The following HMSD variants were observed in gnomAD, a reference collection of about 807,000 sequenced individuals.
HMSD encodes serpin-like protein HMSD.
HMSD carries 13 observed loss-of-function variants against 10.0 expected under a neutral mutation model. The ratio of observed to expected loss-of-function variants is 1.31; its 90% CI spans 0.85 to 2.08. HMSD has a LOEUF of 2.08. HMSD is among the 30% of genes most tolerant of loss of function. The pLI, the probability that HMSD is intolerant of heterozygous loss-of-function variation, is 0.00. For synonymous variants in HMSD, 51 were observed against 54.2 expected (o/e 0.94, Z 0.26); for missense variants, 169 against 166.3 (o/e 1.02, Z -0.09).
chr18:63,955,166 T>C (rs2050351699), intron 3 of HMSD, among the ~76,000 whole-genome samples: 1 of 152,254 alleles, frequency 6.6e-6, no homozygotes, highest in Non-Finnish European at 1.5e-5. Context: ...CTCCTTCACA[T>C]ATAAAAACTT....
intron 3 of HMSD, chr18:63,968,623 G>A (rs900070654): frequency 1.3e-5 from 2 of 152,246 alleles, no homozygotes; most frequent in African/African-American, 2.4e-5. Flanking sequence ...AAGTTTCACG[G>A]AGGAAAACAA....
At chr18:63,951,810 G>A (rs1482600943) in intron 1 of HMSD, among the ~76,000 whole-genome samples, 1 of 152,044 alleles carries the variant, frequency 6.6e-6, no homozygotes, top group South Asian at 2.1e-4. Flanking sequence ...AAATTGTGGG[G>A]TTAAAAATAG....
At chr18:63,967,125 C>T (rs1030484406) in intron 3 of HMSD, among the ~76,000 whole-genome samples, 1 of 137,390 alleles carries the variant, frequency 7.3e-6, no homozygotes, top group Non-Finnish European at 1.5e-5. Flanking sequence ...TTTGGAACTC[C>T]GGTGAGACTC....
chr18:63,960,159 G>A lies in HMSD; in HGVS notation c.224G>A (p.Gly75Asp). 2.5e-6 allele frequency: 4 copies of A among 1,611,132 alleles called. No homozygotes were observed. The highest frequency in any genetic ancestry group is 3.4e-6 in the Non-Finnish European group (4 of 1,179,286). Residue 75 changes from glycine to aspartate, a missense_variant and splice_region_variant, in exon 4 of 4, where the codon GGT becomes GAT. Coordinates refer to ENST00000408945, the MANE Select transcript of HMSD (RefSeq NM_001123366.2). Reference protein sequence around the residue: ...FGEKSYDFLTGFTDSCGKFYQ... With the variant: ...FGEKSYDFLTDFTDSCGKFYQ... ...AATTATGTTTTTGGTTTTTCCTAGG[G>A]TTTTACAGATTCCTGTGGCAAATTC...
At chr18:63,950,143 G>A (rs981588444) in intron 1 of HMSD, among the ~76,000 whole-genome samples, 5 of 152,078 alleles carry the variant, frequency 3.3e-5, no homozygotes, top group Admixed American at 2.6e-4. Flanking sequence ...TGGGCCAGGC[G>A]CGGTGGCTCA....
intron 2 of HMSD, among the ~76,000 whole-genome samples, chr18:63,954,109 A>C (rs553497213): frequency 4.6e-5 from 7 of 152,366 alleles, no homozygotes; most frequent in African/African-American, 1.4e-4. Context: ...ACCAAGTATC[A>C]TAAATAGCAC....
downstream of HMSD, among the ~76,000 whole-genome samples, chr18:63,963,174 C>T (rs1306315593): frequency 7.0e-5 from 10 of 143,212 alleles, no homozygotes; most frequent in Non-Finnish European, 1.4e-4. Flanking sequence ...CTCTCTCTCT[C>T]CCTTCCTTCC....
chr18:63,962,202 A>G (rs547016594), downstream of HMSD, among the ~76,000 whole-genome samples: 17 of 152,260 alleles, frequency 1.1e-4, no homozygotes, highest in Non-Finnish European at 1.6e-4. Flanking sequence ...TCAGAAGTTA[A>G]GTAGCTTGAA....
chr18:63,951,974 T>A (rs574133745), intron 1 of HMSD, among the ~76,000 whole-genome samples: 3 of 151,870 alleles, frequency 2.0e-5, no homozygotes, highest in African/African-American at 7.2e-5. Context: ...AAATGATGAG[T>A]TCATGTCCTT....
chr18:63,956,155 G>A (rs1274091610), intron 3 of HMSD, among the ~76,000 whole-genome samples: 1 of 152,166 alleles, frequency 6.6e-6, no homozygotes, highest in Non-Finnish European at 1.5e-5. Flanking sequence ...TCTGGACACA[G>A]GATTTGGCAA....
chr18:63,955,790 G>A (rs780364231), intron 3 of HMSD, among the ~76,000 whole-genome samples: 1 of 152,196 alleles, frequency 6.6e-6, no homozygotes, highest in African/African-American at 2.4e-5. Flanking sequence ...AGAGCAGACA[G>A]GAATGAATCT....
At chr18:63,964,963 T>C (rs1462181308), downstream of HMSD, among the ~76,000 whole-genome samples, 1 of 152,242 alleles carries the variant, frequency 6.6e-6, no homozygotes, top group African/African-American at 2.4e-5. Context: ...TTTTGTACCT[T>C]CTACATCTGC....
chr18:63,967,455 A>C (rs2050415097), intron 3 of HMSD, among the ~76,000 whole-genome samples: 1 of 152,170 alleles, frequency 6.6e-6, no homozygotes, highest in South Asian at 2.1e-4. Flanking sequence ...TTTAAGGTGG[A>C]GTATTTGTGC....
chr18:63,953,648 G>A, intron 2 of HMSD, 121 bp downstream of exon 2: 1 of 783,938 alleles, frequency 1.3e-6, no homozygotes, highest in South Asian at 1.5e-5. Flanking sequence ...AGTCTCACAG[G>A]ATGTGGATGG....
At chr18:63,966,943 C>A (rs1403160367) in intron 3 of HMSD, 1 of 152,210 alleles carries the variant, frequency 6.6e-6, no homozygotes, top group Non-Finnish European at 1.5e-5. Context: ...ATGTTTGTTT[C>A]TCTAGCATTA....
In HMSD at chr18:63,960,438, C is replaced by G; in HGVS notation, c.*83C>G. The stretch of plus-strand genomic sequence containing the variant: ...TATTGCCAACTCGTAGACCTTTTCT[C>G]TAGCTTTAGCTTTTCCCTTATCAAG... On this transcript the variant is annotated 3_prime_UTR_variant, in exon 4 of 4. Coordinates refer to ENST00000408945, the MANE Select transcript of HMSD (RefSeq NM_001123366.2). 6.8e-7 allele frequency: 1 copy of G among 1,476,732 alleles called. No individual in the cohort carries two copies. 91.5% of individuals were successfully genotyped at this position (1,476,732 alleles called of 1,614,324 possible). A position where few individuals can be genotyped will look rare whatever the true frequency, so the allele number is the denominator to read the frequency against.
intron 1 of HMSD, among the ~76,000 whole-genome samples, chr18:63,952,616 G>T (rs2050337015): frequency 6.6e-6 from 1 of 151,916 alleles, no homozygotes; most frequent in African/African-American, 2.4e-5. Context: ...AATCTAACTG[G>T]TTCTCTGTTG....
downstream of HMSD, among the ~76,000 whole-genome samples, chr18:63,963,191 GCTTCCTTCCTTGCTTCCTTCCTTC>G (rs1377816163): frequency 0.029 from 3,482 of 121,914 alleles, 199 homozygotes; most frequent in African/African-American, 0.11. Flanking sequence ...TTCCTTCATT[GCTTCCTTCCTTGCTTCCTTCCTTC>G]CTTCCTTCCT....
At chr18:63,963,513 C>T (rs1440580546), downstream of HMSD, among the ~76,000 whole-genome samples, 1 of 152,162 alleles carries the variant, frequency 6.6e-6, no homozygotes, top group Non-Finnish European at 1.5e-5. Flanking sequence ...CAGACATGAG[C>T]CACCGCACCA....
Sources: allele counts gnomAD v4.1 joint callset (sites outside exome capture counted in the v4.1 genomes callset), GRCh38; gene constraint gnomAD v4.1.1; transcripts MANE v1.5; gene names NCBI Gene and HGNC (gene_info 2026-07-23, HGNC 2026-07-21).